Variants in KIF21A observed in about 807,000 individuals in gnomAD.
KIF21A encodes the protein kinesin family member 21A, also known as kinesin-like protein KIF21A.
KIF21A carries 114 observed loss-of-function variants against 202.9 expected under a neutral mutation model. That is an observed-to-expected ratio of 0.56 (90% CI 0.48 to 0.66). The LOEUF is 0.66. KIF21A is among the 30% of genes least tolerant of loss of function. The probability of loss-of-function intolerance (pLI) is 0.00; values close to 1 mark genes in which losing one functional copy is unlikely to be tolerated. For missense variants in KIF21A, 1,677 were observed against 1,994.9 expected (o/e 0.84, Z 3.04); for synonymous variants, 667 against 670.8 (o/e 0.99, Z 0.09).
Position 39,340,994 on chromosome 12 carries a change from CAG to C in KIF21A, c.2020_2021del (p.Leu674GlufsTer5). ...TTAGCTTCTCTTCATACTGCTTTTT[CAG>C]AGTCTGCAGTCTTTTCTGGCTGTTT... ...LENSQKRLQT[L>X]KKQYEEKLMM... On this transcript the variant is annotated frameshift_variant, in exon 15 of 38. Coordinates refer to ENST00000361418, the MANE Select transcript of KIF21A (RefSeq NM_001173464.2). LOFTEE classifies it high-confidence loss of function. The C allele has an allele frequency of 6.2e-7, 1 of 1,613,056 alleles. No homozygotes were observed. The highest frequency in any genetic ancestry group is 8.5e-7 in the Non-Finnish European group (1 of 1,179,374).
intron 35 of KIF21A, 108 bp from the exon 36 acceptor site, chr12:39,303,243 G>C: frequency 1.1e-6 from 1 of 882,898 alleles, no homozygotes; most frequent in Non-Finnish European, 1.8e-6. Flanking sequence ...GACATGACTT[G>C]TTTTGTTATC....
intron 1 of KIF21A, among the ~76,000 whole-genome samples, chr12:39,400,029 G>A (rs903944122): frequency 2.0e-5 from 3 of 151,964 alleles, no homozygotes; most frequent in South Asian, 2.1e-4. Context: ...GCATAACATC[G>A]ACACAAAGCT....
chr12:39,295,692 G>GGTTT (rs1426585743), intron 37 of KIF21A, among the ~76,000 whole-genome samples: 2 of 78,086 alleles, frequency 2.6e-5, no homozygotes, highest in Non-Finnish European at 2.5e-5. Context: ...CTTGGGATAT[G>GGTTT]TTTTTTTTTT....
rs554839458 is a variant in KIF21A at position 39,384,870 on chromosome 12, G to A, written c.45-14609C>T. On this transcript the variant is annotated intron_variant, in intron 1 of 37. Coordinates refer to ENST00000361418, the MANE Select transcript of KIF21A (RefSeq NM_001173464.2). ...CAGTTCCTTGCAGTTCTGGACTGAG[G>A]ACCTTTTTTCTTGCTGGCAAAAGGC... Among the ~76,000 whole-genome samples the A allele has an allele frequency of 2.0e-5, 3 of 152,222 alleles. No homozygotes were observed. In the East Asian group the frequency reaches 5.8e-4, roughly 29 times the overall value.
At chr12:39,344,716 T>C (rs901333563) in intron 12 of KIF21A, among the ~76,000 whole-genome samples, 3 of 152,202 alleles carry the variant, frequency 2.0e-5, no homozygotes, top group Non-Finnish European at 4.4e-5. Context: ...GCTTAAACTT[T>C]TAAAATACAA....
In KIF21A at chr12:39,368,005, A is replaced by G. The variant is rs181888536; in HGVS notation, c.478T>C (p.Phe160Leu). Residue 160 changes from phenylalanine to leucine, a missense_variant, in exon 4 of 38, where the codon TTT (phenylalanine) becomes CTT (leucine). By Grantham distance (22) the Phe-to-Leu change is conservative. Coordinates refer to ENST00000361418, the MANE Select transcript of KIF21A (RefSeq NM_001173464.2). The stretch of plus-strand genomic sequence containing the variant: ...GCATCAATATCACGAGTGGTATCAA[A>G]TAAGTCAAGGACCTCTTCATTATAG... ...ELYNEEVLDL[F>L]DTTRDIDAKS... 155 of 1,595,936 alleles carry G rather than the reference A, an allele frequency of 9.7e-5. 1 individual carries two copies. In the East Asian group the frequency reaches 3.4e-3, roughly 35 times the overall value.
intron 24 of KIF21A, among the ~76,000 whole-genome samples, chr12:39,327,031 AAC>A (rs1491069309): frequency 6.6e-6 from 1 of 152,230 alleles, no homozygotes; most frequent in Non-Finnish European, 1.5e-5. Context: ...CAGTAAATAA[AAC>A]AGCCACAGAA....
At position 39,340,159 on chromosome 12, in the gene KIF21A, C is replaced by A; in HGVS notation, c.2310+6G>T. 1 of 1,605,148 alleles carries A rather than the reference C, an allele frequency of 6.2e-7. No individual in the cohort carries two copies. The highest frequency in any genetic ancestry group is 8.5e-7 in the Non-Finnish European group (1 of 1,173,170). On this transcript the variant is annotated splice_donor_region_variant and intron_variant, in intron 16 of 37. Transcript: ENST00000361418. Reference sequence around the variant, plus strand: ...TCAAACGTTAATGGAAAAAAATAATCAATACCTTTGTTTTTTTCATTTCCA... The same window carrying A: ...TCAAACGTTAATGGAAAAAAATAATAAATACCTTTGTTTTTTTCATTTCCA...
intron 1 of KIF21A, among the ~76,000 whole-genome samples, chr12:39,412,605 A>T (rs1953197113): frequency 6.6e-6 from 1 of 152,094 alleles, no homozygotes; most frequent in Non-Finnish European, 1.5e-5. Flanking sequence ...AGTCTCAGCT[A>T]CTCAGAAGAC....
At chr12:39,339,586 ATTT>A (rs546119427) in intron 16 of KIF21A, among the ~76,000 whole-genome samples, 41 of 152,154 alleles carry the variant, frequency 2.7e-4, no homozygotes, top group Non-Finnish European at 5.1e-4. Flanking sequence ...TTTTATTGTT[ATTT>A]TAAGAAAACT....
intron 3 of KIF21A, 38 bp from the exon 4 acceptor site, chr12:39,368,070 A>G: frequency 1.5e-6 from 2 of 1,335,458 alleles, no homozygotes; most frequent in Non-Finnish European, 2.1e-6. Flanking sequence ...TTTAGCAGAA[A>G]TTGTCTGGGT....
intron 11 of KIF21A, among the ~76,000 whole-genome samples, chr12:39,348,501 G>A (rs1266115088): frequency 6.6e-6 from 1 of 152,008 alleles, no homozygotes; most frequent in East Asian, 1.9e-4. Flanking sequence ...CTTTCAAACA[G>A]CATTTGTGGC....
intron 1 of KIF21A, among the ~76,000 whole-genome samples, chr12:39,430,972 G>A (rs942530533): frequency 2.0e-5 from 3 of 152,126 alleles, no homozygotes; most frequent in African/African-American, 7.2e-5. Flanking sequence ...AGAACCAGGA[G>A]CTAAATAAAT....
intron 27 of KIF21A, among the ~76,000 whole-genome samples, chr12:39,321,131 C>G (rs1335369204): frequency 6.6e-6 from 1 of 152,032 alleles, no homozygotes; most frequent in Non-Finnish European, 1.5e-5. Context: ...ATAAGCATCA[C>G]CTGAGTAAAA....
intron 28 of KIF21A, 151 bp from the exon 29 acceptor site, chr12:39,318,352 G>A: frequency 1.4e-6 from 1 of 739,926 alleles, no homozygotes; most frequent in South Asian, 1.7e-5. Context: ...AATGCATTCT[G>A]AACAATTTTT....
chr12:39,369,527 A>G (rs903083618), intron 3 of KIF21A, among the ~76,000 whole-genome samples: 2 of 152,200 alleles, frequency 1.3e-5, no homozygotes, highest in East Asian at 3.8e-4. Flanking sequence ...GACATTGGTC[A>G]AGTGTTTATA....
chr12:39,395,818 G>A lies in KIF21A; in HGVS notation c.45-25557C>T, dbSNP rs1456627862. On this transcript the variant is annotated intron_variant, in intron 1 of 37. Coordinates refer to ENST00000361418, the MANE Select transcript of KIF21A (RefSeq NM_001173464.2). ...GATGGCACCACTGCACTCCAGCCTG[G>A]GTGACGAGAGCGAGACTCCGTCTCA... Among the ~76,000 whole-genome samples, 32 of 149,634 alleles carry A rather than the reference G, an allele frequency of 2.1e-4. 1 individual carries two copies. The highest frequency in any genetic ancestry group is 2.1e-3 in the Admixed American group (32 of 15,028).
At chr12:39,326,173 A>G in intron 25 of KIF21A, 91 bp downstream of exon 25, 1 of 1,020,728 alleles carries the variant, frequency 9.8e-7, no homozygotes, top group East Asian at 2.5e-5. Context: ...ATTGAAAATT[A>G]TTTCTGTTTT....
intron 1 of KIF21A, among the ~76,000 whole-genome samples, chr12:39,400,885 T>C (rs1216815394): frequency 2.0e-5 from 3 of 151,990 alleles, no homozygotes; most frequent in Non-Finnish European, 4.4e-5. Flanking sequence ...AAGCAGAAAA[T>C]GACCAATTAT....
Sources: gnomAD v4.1 joint callset for allele counts (sites outside exome capture counted in the v4.1 genomes callset) on GRCh38, gnomAD v4.1.1 for gene constraint, MANE v1.5 for transcripts, NCBI Gene and HGNC (gene_info 2026-07-23, HGNC 2026-07-21) for gene names.